DPYD: variants seen among roughly 807,000 people sequenced by gnomAD.
DPYD encodes the protein dihydropyrimidine dehydrogenase.
In DPYD, 109 loss-of-function variants were observed where a neutral mutation model predicts 116.2. The observed-to-expected ratio is 0.94, with a 90% CI of 0.80 to 1.10. The LOEUF (loss-of-function observed/expected upper bound fraction) is 1.10. DPYD is among the 50% of genes least tolerant of loss of function. The probability of loss-of-function intolerance (pLI) is 0.00; values close to 1 mark genes in which losing one functional copy is unlikely to be tolerated. For missense variants in DPYD, 1,302 were observed against 1,254.5 expected, an observed-to-expected ratio of 1.04 and a Z score of -0.57; for synonymous variants, 440 against 432.0, an observed-to-expected ratio of 1.02 and a Z score of -0.23.
intron 16 of DPYD, among the ~76,000 whole-genome samples, chr1:97,344,263 G>A (rs956780177): frequency 1.3e-5 from 2 of 151,868 alleles, no homozygotes; most frequent in African/African-American, 2.4e-5. Flanking sequence ...AAGTAGGGCA[G>A]TATGATTCCA....
chr1:97,634,542 A>C (rs181390493), intron 8 of DPYD, among the ~76,000 whole-genome samples: 342 of 152,244 alleles, frequency 2.2e-3, no homozygotes, highest in Non-Finnish European at 3.5e-3. Context: ...AATAACTAAA[A>C]AGATAATTCT....
At chr1:97,189,686 T>G (rs989284974) in intron 20 of DPYD, among the ~76,000 whole-genome samples, 1 of 152,180 alleles carries the variant, frequency 6.6e-6, no homozygotes, top group Non-Finnish European at 1.5e-5. Flanking sequence ...TATTTTCATT[T>G]TGGTAATCTT....
intron 2 of DPYD, among the ~76,000 whole-genome samples, chr1:97,847,243 T>C (rs1235456427): frequency 6.6e-6 from 1 of 152,188 alleles, no homozygotes; most frequent in Non-Finnish European, 1.5e-5. Flanking sequence ...ATATAATCTC[T>C]ACAAAAACAC....
intron 20 of DPYD, among the ~76,000 whole-genome samples, chr1:97,161,533 A>G (rs1655896192): frequency 6.6e-6 from 1 of 152,000 alleles, no homozygotes; most frequent in Non-Finnish European, 1.5e-5. Flanking sequence ...ATCCTACTTC[A>G]CTTTTAATTC....
intron 18 of DPYD, among the ~76,000 whole-genome samples, chr1:97,281,481 T>C (rs1489580453): frequency 9.2e-5 from 14 of 151,992 alleles, no homozygotes; most frequent in Admixed American, 9.2e-4. Flanking sequence ...CAGCCCTCTC[T>C]ATAACTGATA....
chr1:97,703,228 A>G (rs1194572803), intron 5 of DPYD, among the ~76,000 whole-genome samples: 1 of 152,014 alleles, frequency 6.6e-6, no homozygotes, highest in Non-Finnish European at 1.5e-5. Context: ...GAAGTAAATA[A>G]TTGAACCACA....
intron 2 of DPYD, among the ~76,000 whole-genome samples, chr1:97,864,469 A>T: frequency 6.6e-6 from 1 of 151,860 alleles, no homozygotes; most frequent in East Asian, 1.9e-4. Flanking sequence ...ATTGATTTGG[A>T]AGAAAGGAAG....
intron 8 of DPYD, among the ~76,000 whole-genome samples, chr1:97,676,038 C>T (rs114773631): frequency 0.019 from 2,860 of 152,194 alleles, 41 homozygotes; most frequent in Non-Finnish European, 0.028. Context: ...TGAGCCACCA[C>T]GCCTGGCCTA....
At chr1:97,327,563 T>C (rs1167701083) in intron 16 of DPYD, among the ~76,000 whole-genome samples, 3 of 151,928 alleles carry the variant, frequency 2.0e-5, no homozygotes, top group Admixed American at 6.6e-5. Flanking sequence ...TTCCTTTGAG[T>C]AAGAAAATTT....
At chr1:97,202,147 T>C (rs540732395) in intron 19 of DPYD, among the ~76,000 whole-genome samples, 1 of 152,120 alleles carries the variant, frequency 6.6e-6, no homozygotes, top group Non-Finnish European at 1.5e-5. Flanking sequence ...GCCCCGGAGA[T>C]GTTGTTTTTC....
intron 3 of DPYD, among the ~76,000 whole-genome samples, chr1:97,814,928 GAGAGGAAAGAAA>G (rs1207299156): frequency 3.1e-4 from 34 of 110,478 alleles, no homozygotes; most frequent in Admixed American, 4.5e-4. Context: ...AAAAGAAAGA[GAGAGGAAAGAAA>G]GAAAGAAAGA....
At chr1:97,087,291 T>G (rs2101570614) in intron 21 of DPYD, among the ~76,000 whole-genome samples, 1 of 152,364 alleles carries the variant, frequency 6.6e-6, no homozygotes, top group Non-Finnish European at 1.5e-5. Context: ...AGGTGCCTTA[T>G]TCTGGATATT....
chr1:97,126,480 C>G (rs757465989), intron 20 of DPYD, among the ~76,000 whole-genome samples: 1 of 152,086 alleles, frequency 6.6e-6, no homozygotes, highest in Non-Finnish European at 1.5e-5. Context: ...GCCCCTCAGT[C>G]TATGCACGTG....
At chr1:97,249,471 T>C (rs1258264622) in intron 18 of DPYD, among the ~76,000 whole-genome samples, 1 of 151,954 alleles carries the variant, frequency 6.6e-6, no homozygotes, top group African/African-American at 2.4e-5. Flanking sequence ...AGATTCAAGA[T>C]GAATTGTAAA....
chr1:97,556,213 C>A (rs1006819200), intron 11 of DPYD, among the ~76,000 whole-genome samples: 1 of 152,054 alleles, frequency 6.6e-6, no homozygotes, highest in African/African-American at 2.4e-5. Flanking sequence ...AACAGATAAC[C>A]ACTTCCTCCT....
intron 19 of DPYD, among the ~76,000 whole-genome samples, chr1:97,206,403 A>C (rs182073307): frequency 4.6e-5 from 7 of 151,926 alleles, no homozygotes; most frequent in Non-Finnish European, 1.0e-4. Flanking sequence ...ATTGAAACTC[A>C]CAATAGCACC....
At chr1:97,577,940 A>G (rs1252577384) in intron 10 of DPYD, among the ~76,000 whole-genome samples, 1 of 151,854 alleles carries the variant, frequency 6.6e-6, no homozygotes, top group Non-Finnish European at 1.5e-5. Context: ...CCGCCTCCCC[A>G]GTTCAAGTGA....
At chr1:97,727,375 T>C (rs1663324837) in intron 4 of DPYD, among the ~76,000 whole-genome samples, 1 of 151,774 alleles carries the variant, frequency 6.6e-6, no homozygotes, top group Non-Finnish European at 1.5e-5. Flanking sequence ...GAAGATATAT[T>C]TGAAAAATAT....
At chr1:97,448,000 G>T (rs1397539861) in intron 14 of DPYD, among the ~76,000 whole-genome samples, 2 of 152,064 alleles carry the variant, frequency 1.3e-5, no homozygotes, top group East Asian at 1.9e-4. Flanking sequence ...GAGGTAGGAG[G>T]ACTGCTTGAG....
Sources: gnomAD v4.1 joint callset for allele counts (sites outside exome capture counted in the v4.1 genomes callset) on GRCh38, gnomAD v4.1.1 for gene constraint, MANE v1.5 for transcripts, NCBI Gene and HGNC (gene_info 2026-07-23, HGNC 2026-07-21) for gene names.